The following TRPM8 variants were observed in gnomAD, a reference collection of about 807,000 sequenced individuals.
TRPM8 encodes the protein transient receptor potential cation channel subfamily M member 8.
In TRPM8, 110 loss-of-function variants were observed where a neutral mutation model predicts 133.7. The observed-to-expected ratio is 0.82, with a 90% CI of 0.70 to 0.96. The LOEUF is 0.96. Ranked by LOEUF, TRPM8 falls within the 40% of genes least tolerant of loss-of-function variation. The pLI, the probability that TRPM8 is intolerant of heterozygous loss-of-function variation, is 0.00. For synonymous variants in TRPM8, 535 were observed against 532.3 expected, an observed-to-expected ratio of 1.01 and a Z score of -0.07; for missense variants, 1,291 against 1,379.5, an observed-to-expected ratio of 0.94 and a Z score of 1.02.
In TRPM8 at chr2:234,001,833, C is replaced by T. The variant is rs111298738; in HGVS notation, c.3131-5020C>T. Reference sequence around the variant, plus strand: ...ACCAGAGGTGACGTAGATAATTTCGCGGAGAGCCTGCGATGCAGTGAGTGA... The same window carrying T: ...ACCAGAGGTGACGTAGATAATTTCGTGGAGAGCCTGCGATGCAGTGAGTGA... On this transcript the variant is annotated intron_variant, in intron 22 of 25. Transcript: ENST00000324695. 4.0e-3 allele frequency among the ~76,000 whole-genome samples: 607 copies of T among 152,194 alleles called. 3 individuals are homozygous for T. Among genetic ancestry groups the T allele is most frequent in the African/African-American group, 0.014 (564 of 41,520 alleles).
chr2:233,927,835 CCTTCCTTCCTTCCTTCCTT>C (rs1691574950), intron 2 of TRPM8, among the ~76,000 whole-genome samples: 8 of 74,898 alleles, frequency 1.1e-4, no homozygotes, highest in South Asian at 4.0e-4. Flanking sequence ...TTCCTTCCTT[CCTTCCTTCCTTCCTTCCTT>C]TCTTTCTCTT....
intron 22 of TRPM8, among the ~76,000 whole-genome samples, chr2:234,002,122 G>A (rs1169292009): frequency 6.6e-6 from 1 of 151,930 alleles, no homozygotes; most frequent in Non-Finnish European, 1.5e-5. Context: ...CATCAGGGAA[G>A]ATTTATGGAG....
At chr2:233,972,952 C>T (rs561380374) in intron 17 of TRPM8, among the ~76,000 whole-genome samples, 103 of 152,344 alleles carry the variant, frequency 6.8e-4, no homozygotes, top group Admixed American at 2.1e-3. Flanking sequence ...CCTCAAGTGC[C>T]GCCAAAGTGG....
At chr2:233,928,371 T>C (rs907562957) in intron 2 of TRPM8, among the ~76,000 whole-genome samples, 1 of 152,100 alleles carries the variant, frequency 6.6e-6, no homozygotes, top group Non-Finnish European at 1.5e-5. Context: ...GGCATCCCTA[T>C]GGGTAGAACT....
chr2:234,011,745 C>T (rs140116547), intron 24 of TRPM8, among the ~76,000 whole-genome samples: 2,072 of 151,858 alleles, frequency 0.014, 20 homozygotes, highest in Middle Eastern at 0.031. Flanking sequence ...AGGGAAACCC[C>T]GTCTCTACTA....
intron 24 of TRPM8, among the ~76,000 whole-genome samples, chr2:234,009,164 C>T (rs1409558752): frequency 6.6e-6 from 1 of 152,190 alleles, no homozygotes; most frequent in Non-Finnish European, 1.5e-5. Context: ...CTGGAATCCT[C>T]CTTTCACAGT....
At chr2:234,004,467 A>G (rs962338264) in intron 22 of TRPM8, among the ~76,000 whole-genome samples, 1 of 152,186 alleles carries the variant, frequency 6.6e-6, no homozygotes, top group East Asian at 1.9e-4. Context: ...CGTTTCCTAC[A>G]TGTATTTTGC....
intron 8 of TRPM8, among the ~76,000 whole-genome samples, chr2:233,948,333 A>G (rs1200540205): frequency 2.0e-5 from 3 of 152,202 alleles, no homozygotes; most frequent in Non-Finnish European, 4.4e-5. Flanking sequence ...TCAGTGTGTG[A>G]TTGTCAGTGT....
chr2:233,920,843 T>A (rs1259513919), intron 1 of TRPM8, among the ~76,000 whole-genome samples: 2 of 151,000 alleles, frequency 1.3e-5, no homozygotes, highest in Non-Finnish European at 2.9e-5. Context: ...AAAGGCTTTA[T>A]CAGATTTCAC....
At chr2:233,941,444 T>C (rs1690902537) in intron 5 of TRPM8, among the ~76,000 whole-genome samples, 1 of 152,126 alleles carries the variant, frequency 6.6e-6, no homozygotes, top group South Asian at 2.1e-4. Context: ...TACCTGAAAA[T>C]ATTAGAATGA....
At chr2:233,949,838 G>A (rs1691130883) in intron 8 of TRPM8, 111 bp from the exon 9 acceptor site, 8 of 872,800 alleles carry the variant, frequency 9.2e-6, no homozygotes, top group South Asian at 5.1e-5. Context: ...AAAGGAAAAC[G>A]TGTAGGGATG....
At chr2:233,936,891 C>CT (rs5839499) in intron 3 of TRPM8, among the ~76,000 whole-genome samples, 4,623 of 101,146 alleles carry the variant, frequency 0.046, 211 homozygotes, top group African/African-American at 0.12. Flanking sequence ...TCTTTCTTTC[C>CT]TTTTTTTTTT....
chr2:234,004,372 C>T (rs1013653448), intron 22 of TRPM8, among the ~76,000 whole-genome samples: 6 of 152,200 alleles, frequency 3.9e-5, no homozygotes, highest in African/African-American at 1.4e-4. Flanking sequence ...TGGTCACTGC[C>T]TGCTCATTTG....
intron 1 of TRPM8, among the ~76,000 whole-genome samples, chr2:233,924,496 A>T (rs369975110): frequency 6.6e-6 from 1 of 151,968 alleles, no homozygotes. Context: ...TCCTGCAACA[A>T]TGTGTCTAGA....
intron 22 of TRPM8, among the ~76,000 whole-genome samples, chr2:234,003,334 C>A (rs1048767977): frequency 2.0e-5 from 3 of 152,208 alleles, no homozygotes; most frequent in Non-Finnish European, 4.4e-5. Context: ...TATGTAATTG[C>A]TGTTCTTAAT....
Position 233,989,137 on chromosome 2 carries a change from CAT to C in TRPM8, c.2939+3273_2939+3274del, listed in dbSNP as rs1169519104. On this transcript the variant is annotated intron_variant, in intron 21 of 25. Transcript: ENST00000324695. The surrounding 1 kb of genome is among the most constrained non-coding windows in gnomAD (Gnocchi z 4.2). Reference sequence around the variant, plus strand: ...TTTAGAGCTTTTTTGAATCTATGCACATGAGCTGTCTGAAGGAGCCATTCATG... The same window carrying C: ...TTTAGAGCTTTTTTGAATCTATGCACGAGCTGTCTGAAGGAGCCATTCATG... 6.6e-6 allele frequency among the ~76,000 whole-genome samples: 1 copy of C among 152,228 alleles called. No homozygotes were observed. Among genetic ancestry groups the C allele is most frequent in the African/African-American group, 2.4e-5 (1 of 41,476 alleles).
chr2:233,985,873 T>G lies in TRPM8; in HGVS notation c.2939+8T>G, dbSNP rs1692137442. On this transcript the variant is annotated splice_region_variant and intron_variant, in intron 21 of 25. Coordinates refer to ENST00000324695, the MANE Select transcript of TRPM8 (RefSeq NM_024080.5). The stretch of plus-strand genomic sequence containing the variant: ...GCTGGTCGCCATGTTTGGGTATGTG[T>G]TCAGTCACATGTTCACTGATGTCCA... 6.2e-7 allele frequency: 1 copy of G among 1,607,072 alleles called. No homozygotes were observed. Among genetic ancestry groups the G allele is most frequent in the African/African-American group, 1.3e-5 (1 of 74,820 alleles).
chr2:233,923,515 G>T lies in TRPM8; in HGVS notation c.-5-3018G>T, dbSNP rs181540322. Among the ~76,000 whole-genome samples, 39 of 152,284 alleles carry T rather than the reference G, an allele frequency of 2.6e-4. No homozygotes were observed. The East Asian group carries it at 7.3e-3, about 29-fold the overall frequency. The stretch of plus-strand genomic sequence containing the variant: ...CCCATGTCCCCTGCTGCCGTGCTCT[G>T]CCTGCCCAATGCTGCCGGCACCAGG... On this transcript the variant is annotated intron_variant, in intron 1 of 25. Coordinates refer to ENST00000324695, the MANE Select transcript of TRPM8 (RefSeq NM_024080.5).
At chr2:233,922,703 A>T (rs1350320100) in intron 1 of TRPM8, among the ~76,000 whole-genome samples, 6 of 152,036 alleles carry the variant, frequency 3.9e-5, no homozygotes, top group Non-Finnish European at 8.8e-5. Flanking sequence ...AGCTGAATTG[A>T]CTCAGGATAC....
Sources: gnomAD v4.1 joint callset for allele counts (sites outside exome capture counted in the v4.1 genomes callset) on GRCh38, gnomAD v4.1.1 for gene constraint, Gnocchi (gnomAD v3.1) non-coding constraint, MANE v1.5 for transcripts, NCBI Gene and HGNC (gene_info 2026-07-23, HGNC 2026-07-21) for gene names.